PPP1R12B: variants seen among roughly 807,000 people sequenced by gnomAD.
The protein encoded by PPP1R12B is myosin phosphatase target subunit 2.
PPP1R12B carries 76 observed loss-of-function variants against 126.1 expected under a neutral mutation model. The ratio of observed to expected loss-of-function variants is 0.60; its 90% CI spans 0.50 to 0.73. The LOEUF is 0.73. Ranked by LOEUF, PPP1R12B falls within the 30% of genes least tolerant of loss-of-function variation. The probability of loss-of-function intolerance (pLI) is 0.00; values close to 1 mark genes in which losing one functional copy is unlikely to be tolerated. For missense variants in PPP1R12B, 1,052 were observed against 1,205.1 expected (o/e 0.87, Z 1.88); for synonymous variants, 356 against 434.7 (o/e 0.82, Z 2.25).
In PPP1R12B at chr1:202,348,722, A is replaced by G. The variant is rs1364858063; in HGVS notation, c.-130A>G. 8.1e-7 allele frequency: 1 copy of G among 1,227,188 alleles called. No homozygotes were observed. Among genetic ancestry groups the G allele is most frequent in the African/African-American group, 1.5e-5 (1 of 64,670 alleles). 76.0% of individuals were successfully genotyped at this position (1,227,188 alleles called of 1,614,324 possible). On this transcript the variant is annotated 5_prime_UTR_variant, in exon 1 of 24. Transcript: ENST00000608999. ...GCGGTACTACTGGCGGGAGGAGTAA[A>G]GATGGCGGCGCGAGGGTCTCCGCCC...
chr1:202,383,616 C>T (rs1450663500), intron 1 of PPP1R12B, among the ~76,000 whole-genome samples: 3 of 151,822 alleles, frequency 2.0e-5, no homozygotes, highest in South Asian at 2.1e-4. Context: ...CACAGCTATT[C>T]GGGAGGCTGA....
intron 1 of PPP1R12B, among the ~76,000 whole-genome samples, chr1:202,354,653 TC>T (rs1363033224): frequency 6.6e-6 from 1 of 151,554 alleles, no homozygotes; most frequent in Non-Finnish European, 1.5e-5. Context: ...TGTGTCCCAT[TC>T]TTTTTTTTTT....
At chr1:202,447,083 T>C (rs1374819217) in intron 12 of PPP1R12B, among the ~76,000 whole-genome samples, 1 of 152,228 alleles carries the variant, frequency 6.6e-6, no homozygotes, top group African/African-American at 2.4e-5. Flanking sequence ...GCCAGGAGAC[T>C]TTGAGAAGTG....
intron 18 of PPP1R12B, among the ~76,000 whole-genome samples, chr1:202,541,355 A>G (rs1357316250): frequency 6.6e-6 from 1 of 152,216 alleles, no homozygotes; most frequent in African/African-American, 2.4e-5. Context: ...GAGAATACCA[A>G]AAGAATATTG....
At chr1:202,452,339 G>C (rs548260214) in intron 13 of PPP1R12B, among the ~76,000 whole-genome samples, 10 of 152,338 alleles carry the variant, frequency 6.6e-5, no homozygotes, top group Admixed American at 5.9e-4. Context: ...CTCGCGGTTA[G>C]GAGCTGGAGA....
intron 1 of PPP1R12B, among the ~76,000 whole-genome samples, chr1:202,351,528 C>T (rs1159876429): frequency 1.3e-5 from 2 of 152,144 alleles, no homozygotes; most frequent in African/African-American, 2.4e-5. Flanking sequence ...CATGAGCCAC[C>T]GCGCATGGCC....
intron 1 of PPP1R12B, among the ~76,000 whole-genome samples, chr1:202,398,562 TAA>T (rs1665341464): frequency 1.3e-5 from 2 of 152,358 alleles, no homozygotes; most frequent in African/African-American, 2.4e-5. Flanking sequence ...TTGGTTTTTT[TAA>T]GAGACAGTGT....
intron 18 of PPP1R12B, among the ~76,000 whole-genome samples, chr1:202,533,477 T>TTTGG (rs1422994247): frequency 2.6e-5 from 4 of 151,922 alleles, no homozygotes; most frequent in South Asian, 2.1e-4. Context: ...TTTTGTTTTG[T>TTTGG]TTTGTTTTGT....
At chr1:202,392,789 A>G (rs1267855710) in intron 1 of PPP1R12B, among the ~76,000 whole-genome samples, 1 of 151,832 alleles carries the variant, frequency 6.6e-6, no homozygotes, top group Non-Finnish European at 1.5e-5. Flanking sequence ...AGCCTCCCAT[A>G]AGTGCTGGGA....
intron 1 of PPP1R12B, among the ~76,000 whole-genome samples, chr1:202,358,681 C>CAAA (rs200723132): frequency 5.5e-5 from 6 of 109,120 alleles, no homozygotes; most frequent in South Asian, 2.7e-4. Context: ...GACTCCGTCT[C>CAAA]AAAAAAAAAA....
rs1383645404 is a variant in PPP1R12B, at chr1:202,565,781, G to A, written c.2757+1234G>A. On this transcript the variant is annotated intron_variant, in intron 21 of 23. Coordinates refer to ENST00000608999, the MANE Select transcript of PPP1R12B (RefSeq NM_002481.4). The surrounding 1 kb of genome is among the most constrained non-coding windows in gnomAD (Gnocchi z 4.3). ...ATAACTAGGCTTAAAGTGATTTTGT[G>A]GAATAAGAAAAGTAGGTTTCTAAAT... is the stretch of plus-strand genomic sequence containing the variant. 2.0e-5 allele frequency among the ~76,000 whole-genome samples: 3 copies of A among 151,998 alleles called. No individual in the cohort carries two copies. The highest frequency in any genetic ancestry group is 4.8e-5 in the African/African-American group (2 of 41,348).
At chr1:202,402,707 GA>G (rs1666024388) in intron 1 of PPP1R12B, among the ~76,000 whole-genome samples, 1 of 152,150 alleles carries the variant, frequency 6.6e-6, no homozygotes, top group Admixed American at 6.5e-5. Context: ...GAGCAATGTA[GA>G]AAAACAATTT....
chr1:202,542,993 G>A (rs549285607), intron 18 of PPP1R12B, among the ~76,000 whole-genome samples: 1 of 152,216 alleles, frequency 6.6e-6, no homozygotes, highest in Non-Finnish European at 1.5e-5. Flanking sequence ...GCATTTAGAA[G>A]TTTGATTCTT....
In PPP1R12B at chr1:202,591,393, G is replaced by A. The variant is rs1275198266; in HGVS notation, c.*10833G>A. On this transcript the variant is annotated 3_prime_UTR_variant, in exon 24 of 24. Coordinates refer to ENST00000608999, the MANE Select transcript of PPP1R12B (RefSeq NM_002481.4). ...GGTGCCCATGGGGCCAGGGGCCGCA[G>A]GCAGGGGGGCTACCTGTCCCTCTCA... 6.6e-6 allele frequency: 1 copy of A among 152,580 alleles called. No homozygotes were observed. The highest frequency in any genetic ancestry group is 2.4e-5 in the African/African-American group (1 of 41,472). The allele number at this position is 152,580 out of a possible 1,614,324, so 9.5% of individuals were successfully genotyped here.
chr1:202,478,643 A>G (rs930714860), intron 13 of PPP1R12B, among the ~76,000 whole-genome samples: 1 of 152,158 alleles, frequency 6.6e-6, no homozygotes, highest in Non-Finnish European at 1.5e-5. Flanking sequence ...TTTGTATAGT[A>G]TATATTTACA....
At chr1:202,520,159 T>G (rs1230678855) in intron 18 of PPP1R12B, among the ~76,000 whole-genome samples, 4 of 152,166 alleles carry the variant, frequency 2.6e-5, no homozygotes, top group African/African-American at 7.2e-5. Context: ...TCACAGAAAA[T>G]TATTTCTGGA....
At chr1:202,572,272 A>G (rs757472512) in intron 23 of PPP1R12B, among the ~76,000 whole-genome samples, 1 of 152,198 alleles carries the variant, frequency 6.6e-6, no homozygotes, top group African/African-American at 2.4e-5. Context: ...CAGATGCTCA[A>G]ACCTCCTTGG....
At chr1:202,355,152 G>A (rs550479473) in intron 1 of PPP1R12B, among the ~76,000 whole-genome samples, 2 of 151,916 alleles carry the variant, frequency 1.3e-5, no homozygotes, top group East Asian at 1.9e-4. Context: ...TAATCCACCC[G>A]CCTCAGCCTC....
intron 1 of PPP1R12B, among the ~76,000 whole-genome samples, chr1:202,402,020 G>T (rs184599307): frequency 1.3e-5 from 2 of 152,346 alleles, no homozygotes; most frequent in Non-Finnish European, 2.9e-5. Flanking sequence ...GCTCTGGGAG[G>T]CTGGGATTTG....
Sources: allele counts gnomAD v4.1 joint callset (sites outside exome capture counted in the v4.1 genomes callset), GRCh38; gene constraint gnomAD v4.1.1; non-coding constraint Gnocchi (gnomAD v3.1); transcripts MANE v1.5; gene names NCBI Gene and HGNC (gene_info 2026-07-23, HGNC 2026-07-21).